PTCHD4: variants seen among roughly 807,000 people sequenced by gnomAD.
The protein encoded by PTCHD4 is patched domain containing 4.
Under a neutral mutation model 58.1 loss-of-function variants are expected in PTCHD4, and 33 were observed. The observed-to-expected ratio is 0.57, with a 90% CI of 0.43 to 0.76. PTCHD4 has a LOEUF of 0.76. Ranked by LOEUF, PTCHD4 falls within the 30% of genes least tolerant of loss-of-function variation. The pLI is 0.00. For synonymous variants in PTCHD4, 478 were observed against 409.6 expected, an observed-to-expected ratio of 1.17 and a Z score of -2.02; for missense variants, 1,058 against 1,027.1, an observed-to-expected ratio of 1.03 and a Z score of -0.41.
intron 4 of PTCHD4, among the ~76,000 whole-genome samples, chr6:48,005,445 C>A (rs2114073732): frequency 6.6e-6 from 1 of 152,346 alleles, no homozygotes; most frequent in Non-Finnish European, 1.5e-5. Context: ...AGGGATTATG[C>A]AGTTTTGACA....
chr6:47,982,983 A>T (rs558635187), intron 4 of PTCHD4, among the ~76,000 whole-genome samples: 1 of 152,350 alleles, frequency 6.6e-6, no homozygotes, highest in Non-Finnish European at 1.5e-5. Context: ...CTATGAAATC[A>T]TATATATTAT....
Position 48,077,728 on chromosome 6 carries a change from ATTG to A in PTCHD4, c.-969-7805_-969-7803del, listed in dbSNP as rs374939099. Among the ~76,000 whole-genome samples the A allele has an allele frequency of 2.7e-3, 411 of 152,292 alleles. 2 individuals carry two copies. Among genetic ancestry groups the A allele is most frequent in the African/African-American group, 8.5e-3 (352 of 41,568 alleles). On this transcript the variant is annotated intron_variant, in intron 1 of 4. Coordinates refer to ENST00000339488, the MANE Select transcript of PTCHD4 (RefSeq NM_001384253.1). Reference sequence around the variant, plus strand: ...GGTTATTAATTGGCCTAATTTCAATATTGTTGTATCTCAGGGGAATAGGCAGAC... The same window carrying A: ...GGTTATTAATTGGCCTAATTTCAATATTGTATCTCAGGGGAATAGGCAGAC...
intron 4 of PTCHD4, among the ~76,000 whole-genome samples, chr6:48,000,476 C>G (rs1025529744): frequency 1.3e-5 from 2 of 152,142 alleles, no homozygotes; most frequent in African/African-American, 2.4e-5. Context: ...TTCATGAACA[C>G]AAGCTTCAAG....
At chr6:48,037,545 A>G (rs1413820739) in intron 3 of PTCHD4, among the ~76,000 whole-genome samples, 1 of 152,150 alleles carries the variant, frequency 6.6e-6, no homozygotes, top group Non-Finnish European at 1.5e-5. Context: ...TCTCATTTTG[A>G]TCAAGCTTAG....
Position 48,088,650 on chromosome 6 carries a change from G to T in PTCHD4, c.-969-18724C>A, listed in dbSNP as rs139309617. 3.1e-3 allele frequency among the ~76,000 whole-genome samples: 466 copies of T among 152,246 alleles called. 3 individuals are homozygous for T. Among genetic ancestry groups the T allele is most frequent in the African/African-American group, 0.011 (442 of 41,546 alleles). The stretch of plus-strand genomic sequence containing the variant: ...CATTAAGCATTCGATGAACTAAAAC[G>T]CTGTGGTTTTAGTGCAGTGAAAATT... On this transcript the variant is annotated intron_variant, in intron 1 of 4. Transcript: ENST00000339488.
chr6:48,036,860 CTG>C (rs748272837), intron 3 of PTCHD4, among the ~76,000 whole-genome samples: 2 of 152,148 alleles, frequency 1.3e-5, no homozygotes, highest in Non-Finnish European at 2.9e-5. Flanking sequence ...GCACCTCACA[CTG>C]TAAGTTACTG....
At chr6:48,004,489 C>T (rs181498223) in intron 4 of PTCHD4, among the ~76,000 whole-genome samples, 437 of 152,170 alleles carry the variant, frequency 2.9e-3, no homozygotes, top group Admixed American at 5.5e-3. Flanking sequence ...GGAAACACAT[C>T]CACATAAAGC....
intron 4 of PTCHD4, among the ~76,000 whole-genome samples, chr6:47,906,345 C>A (rs1023002075): frequency 1.3e-5 from 2 of 152,214 alleles, no homozygotes; most frequent in Admixed American, 6.5e-5. Flanking sequence ...AGAGAGTCCA[C>A]CAAGCCTCAG....
chr6:48,090,002 T>C (rs1765333717), intron 1 of PTCHD4, among the ~76,000 whole-genome samples: 1 of 152,332 alleles, frequency 6.6e-6, no homozygotes, highest in African/African-American at 2.4e-5. Flanking sequence ...CACTGTTCTA[T>C]ATAGTTTCTC....
chr6:47,922,736 C>T lies in PTCHD4; in HGVS notation c.899-42800G>A, dbSNP rs147164819. ...TAGGCTCAGCTCATCTGCAACAGGA[C>T]TCTGTGATACAAGGAAACATATAAG... On this transcript the variant is annotated intron_variant, in intron 4 of 4. Transcript: ENST00000339488. Among the ~76,000 whole-genome samples, 231 of 152,306 alleles carry T rather than the reference C, an allele frequency of 1.5e-3. 3 individuals carry two copies. The highest frequency in any genetic ancestry group is 5.3e-3 in the African/African-American group (220 of 41,572).
At chr6:48,043,595 A>G (rs1001366928) in intron 3 of PTCHD4, among the ~76,000 whole-genome samples, 1 of 151,890 alleles carries the variant, frequency 6.6e-6, no homozygotes, top group Non-Finnish European at 1.5e-5. Context: ...TTGTAACAGC[A>G]AAGCATGGAT....
At chr6:48,073,144 G>A (rs1054934782) in intron 1 of PTCHD4, among the ~76,000 whole-genome samples, 9 of 152,138 alleles carry the variant, frequency 5.9e-5, no homozygotes, top group Non-Finnish European at 1.0e-4. Context: ...TTAATATAAA[G>A]CTGAAAGTGG....
At chr6:48,107,491 A>C (rs563406395) in intron 1 of PTCHD4, among the ~76,000 whole-genome samples, 8 of 151,652 alleles carry the variant, frequency 5.3e-5, no homozygotes, top group Middle Eastern at 3.4e-3. Context: ...TAAAACCATA[A>C]AAACCCTAGA....
intron 4 of PTCHD4, among the ~76,000 whole-genome samples, chr6:47,931,837 C>T (rs1371582008): frequency 6.6e-6 from 1 of 151,742 alleles, no homozygotes; most frequent in Non-Finnish European, 1.5e-5. Context: ...GACAGTGTGT[C>T]GTGTATCCTC....
intron 4 of PTCHD4, among the ~76,000 whole-genome samples, chr6:47,907,356 T>C (rs1430042179): frequency 6.6e-6 from 1 of 152,148 alleles, no homozygotes; most frequent in Non-Finnish European, 1.5e-5. Flanking sequence ...GACTTCTGAT[T>C]TTGTGCAAGA....
chr6:47,949,869 TG>T lies in PTCHD4; in HGVS notation c.898+58764del, dbSNP rs1457652437. Among the ~76,000 whole-genome samples, 35 of 151,536 alleles carry T rather than the reference TG, an allele frequency of 2.3e-4. 1 individual carries two copies. In the East Asian group the frequency reaches 3.1e-3, roughly 13 times the overall value. On this transcript the variant is annotated intron_variant, in intron 4 of 4. Coordinates refer to ENST00000339488, the MANE Select transcript of PTCHD4 (RefSeq NM_001384253.1). ...AACTAATGCAGTAAGGAACTTGGAT[TG>T]TTTTTTTTTTAATTTTATTATTATT...
At chr6:47,913,570 A>C (rs1234647849) in intron 4 of PTCHD4, among the ~76,000 whole-genome samples, 2 of 152,130 alleles carry the variant, frequency 1.3e-5, no homozygotes, top group Non-Finnish European at 2.9e-5. Flanking sequence ...ATTGATTCAT[A>C]ATGGGGAAAA....
At chr6:47,896,382 T>C (rs1764531891) in intron 4 of PTCHD4, among the ~76,000 whole-genome samples, 2 of 152,230 alleles carry the variant, frequency 1.3e-5, no homozygotes, top group South Asian at 2.1e-4. Flanking sequence ...TTACTGAGTC[T>C]ATGAATGAAC....
chr6:47,943,281 A>C (rs373977160), intron 4 of PTCHD4, among the ~76,000 whole-genome samples: 20 of 152,276 alleles, frequency 1.3e-4, no homozygotes, highest in African/African-American at 4.6e-4. Context: ...TTAGGTTTTT[A>C]AAATGCTTTG....
Sources: gnomAD v4.1 joint callset for allele counts (sites outside exome capture counted in the v4.1 genomes callset) on GRCh38, gnomAD v4.1.1 for gene constraint, MANE v1.5 for transcripts, NCBI Gene and HGNC (gene_info 2026-07-23, HGNC 2026-07-21) for gene names.